CHRM3: variants seen among roughly 807,000 people sequenced by gnomAD.
CHRM3 encodes the protein cholinergic receptor muscarinic 3.
In CHRM3, 11 loss-of-function variants were observed where a neutral mutation model predicts 41.8. That is an observed-to-expected ratio of 0.26 (90% CI 0.17 to 0.44). The LOEUF is 0.44. Among genes scored for constraint, CHRM3 ranks in the 20% least tolerant of loss-of-function variants. The pLI is 1.00. For synonymous variants in CHRM3, 297 were observed against 301.4 expected, an observed-to-expected ratio of 0.99 and a Z score of 0.15; for missense variants, 571 against 745.4, an observed-to-expected ratio of 0.77 and a Z score of 2.72.
At chr1:239,605,055 G>A (rs1166200258) in intron 3 of CHRM3, among the ~76,000 whole-genome samples, 1 of 151,996 alleles carries the variant, frequency 6.6e-6, no homozygotes, top group Non-Finnish European at 1.5e-5. Flanking sequence ...AATTTTAATA[G>A]AGAAATTTGA....
At chr1:239,683,420 G>C (rs1658762031) in intron 5 of CHRM3, among the ~76,000 whole-genome samples, 1 of 152,158 alleles carries the variant, frequency 6.6e-6, no homozygotes, top group African/African-American at 2.4e-5. Context: ...GTTTTTAAAG[G>C]ATTTGGACAA....
At chr1:239,498,209 G>A (rs1668007532) in intron 2 of CHRM3, among the ~76,000 whole-genome samples, 1 of 151,990 alleles carries the variant, frequency 6.6e-6, no homozygotes, top group Non-Finnish European at 1.5e-5. Context: ...ACATATCAAG[G>A]CATTTTCCTG....
chr1:239,540,601 T>A (rs547999582), intron 2 of CHRM3, among the ~76,000 whole-genome samples: 2 of 152,324 alleles, frequency 1.3e-5, no homozygotes, highest in South Asian at 4.1e-4. Context: ...GAAATTTTCG[T>A]GCTCTCAAAG....
intron 4 of CHRM3, among the ~76,000 whole-genome samples, chr1:239,663,753 C>T (rs1442161272): frequency 6.6e-6 from 1 of 152,208 alleles, no homozygotes; most frequent in African/African-American, 2.4e-5. Flanking sequence ...TTACCATTTT[C>T]ACTATTCCTT....
At chr1:239,684,609 C>T (rs912122868) in intron 5 of CHRM3, among the ~76,000 whole-genome samples, 2 of 149,272 alleles carry the variant, frequency 1.3e-5, no homozygotes, top group South Asian at 4.2e-4. Context: ...TGAGATCATG[C>T]CACTGCACTA....
intron 5 of CHRM3, among the ~76,000 whole-genome samples, chr1:239,792,418 T>C (rs1277615332): frequency 2.6e-5 from 4 of 152,236 alleles, no homozygotes; most frequent in Non-Finnish European, 4.4e-5. Flanking sequence ...CAAAGAGAGC[T>C]GGTTTGCCAG....
At chr1:239,817,754 C>T (rs1483190794) in intron 5 of CHRM3, among the ~76,000 whole-genome samples, 2 of 152,088 alleles carry the variant, frequency 1.3e-5, no homozygotes, top group Non-Finnish European at 2.9e-5. Context: ...AGAAATCTTC[C>T]TTGGCACACT....
rs1156387600 is a variant in CHRM3, at chr1:239,642,204, T to A, written c.-250+9918T>A. ...CTCTCTGGCTGCCCTTAACATTTTT[T>A]CCTTCATTTCAACTTTGGTGAATCT... On this transcript the variant is annotated intron_variant, in intron 4 of 6. Transcript: ENST00000676153. Among the ~76,000 whole-genome samples, 1,240 of 147,502 alleles carry A rather than the reference T, an allele frequency of 8.4e-3. 7 individuals carry two copies. The highest frequency in any genetic ancestry group is 0.013 in the Non-Finnish European group (842 of 66,890).
intron 3 of CHRM3, among the ~76,000 whole-genome samples, chr1:239,582,535 A>G (rs1222832598): frequency 6.6e-6 from 1 of 152,096 alleles, no homozygotes; most frequent in East Asian, 1.9e-4. Context: ...TTCCCTGATT[A>G]GCACATCCCT....
chr1:239,670,772 C>CT (rs1050787916), intron 4 of CHRM3, among the ~76,000 whole-genome samples: 2 of 22,100 alleles, frequency 9.0e-5, no homozygotes, highest in African/African-American at 2.0e-4. Context: ...AGGTGATCTA[C>CT]CCCCCCCACC....
At chr1:239,525,627 T>C (rs1558289413) in intron 2 of CHRM3, among the ~76,000 whole-genome samples, 1 of 152,186 alleles carries the variant, frequency 6.6e-6, no homozygotes, top group Non-Finnish European at 1.5e-5. Context: ...ACTGACAATA[T>C]ATGCATACAT....
At chr1:239,409,196 T>A (rs1176156465) in intron 1 of CHRM3, among the ~76,000 whole-genome samples, 1 of 152,218 alleles carries the variant, frequency 6.6e-6, no homozygotes, top group African/African-American at 2.4e-5. Flanking sequence ...AGTTATCCTC[T>A]TGGAGCTTGG....
intron 1 of CHRM3, among the ~76,000 whole-genome samples, chr1:239,472,601 T>A (rs1441090253): frequency 1.3e-5 from 2 of 152,154 alleles, no homozygotes; most frequent in Non-Finnish European, 2.9e-5. Flanking sequence ...TAGAAGCCAT[T>A]GTCCTCAGCA....
At chr1:239,398,063 T>C (rs1448453512) in intron 1 of CHRM3, among the ~76,000 whole-genome samples, 1 of 152,044 alleles carries the variant, frequency 6.6e-6, no homozygotes, top group Non-Finnish European at 1.5e-5. Context: ...GGGAAGGTCA[T>C]TTTCCTGGGT....
chr1:239,817,697 T>TAC (rs746362030), intron 5 of CHRM3, among the ~76,000 whole-genome samples: 5 of 151,700 alleles, frequency 3.3e-5, no homozygotes, highest in Non-Finnish European at 4.4e-5. Context: ...GTGCTCCCTC[T>TAC]ACACACACAC....
In CHRM3 at chr1:239,387,871, T is replaced by C. The variant is rs139321778; in HGVS notation, c.-521+644T>C. 1.3e-5 allele frequency among the ~76,000 whole-genome samples: 2 copies of C among 152,304 alleles called. No individual in the cohort carries two copies. The highest frequency in any genetic ancestry group is 2.9e-5 in the Non-Finnish European group (2 of 68,022). ...CATCTTTACTGACCCGGGGAGAGTC[T>C]GCACTCGCGAGGCAGCGGCCGCTGG... is the stretch of plus-strand genomic sequence containing the variant. On this transcript the variant is annotated intron_variant, in intron 1 of 6. Coordinates refer to ENST00000676153, the MANE Select transcript of CHRM3 (RefSeq NM_001375978.1). This position sits in a 1 kb window ranked among gnomAD's most constrained non-coding sequence, Gnocchi z 5.1.
At chr1:239,638,537 GT>G (rs1258429873) in intron 4 of CHRM3, among the ~76,000 whole-genome samples, 1 of 152,142 alleles carries the variant, frequency 6.6e-6, no homozygotes, top group Non-Finnish European at 1.5e-5. Flanking sequence ...TTTTTCATGT[GT>G]TTTTTGGCTG....
intron 1 of CHRM3, among the ~76,000 whole-genome samples, chr1:239,393,189 G>T (rs1320800841): frequency 2.0e-5 from 3 of 152,116 alleles, no homozygotes; most frequent in Non-Finnish European, 4.4e-5. Flanking sequence ...AAGAAAGAAA[G>T]AAAGAAGATC....
At position 239,850,143 on chromosome 1, in the gene CHRM3, ATT is replaced by A. The variant is rs1205513204; in HGVS notation, c.-20+22768_-20+22769del. Among the ~76,000 whole-genome samples the A allele has an allele frequency of 5.3e-5, 8 of 152,282 alleles. No homozygotes were observed. In the East Asian group the frequency reaches 1.5e-3, roughly 29 times the overall value. On this transcript the variant is annotated intron_variant, in intron 6 of 6. Coordinates refer to ENST00000676153, the MANE Select transcript of CHRM3 (RefSeq NM_001375978.1). ...TAACATAAACAATGGATTGACACATATTTTGTTTGTTATATTAACACATATTT... is the reference window on the plus strand; with the variant it reads ...TAACATAAACAATGGATTGACACATATTGTTTGTTATATTAACACATATTT...
Sources: allele counts gnomAD v4.1 joint callset (sites outside exome capture counted in the v4.1 genomes callset), GRCh38; gene constraint gnomAD v4.1.1; non-coding constraint Gnocchi (gnomAD v3.1); transcripts MANE v1.5; gene names NCBI Gene and HGNC (gene_info 2026-07-23, HGNC 2026-07-21).